TENM4: variants seen among roughly 807,000 people sequenced by gnomAD.
TENM4 encodes the protein teneurin transmembrane protein 4.
A neutral mutation model predicts 243.3 loss-of-function variants in TENM4; 82 were observed. The ratio of observed to expected loss-of-function variants is 0.34; its 90% CI spans 0.28 to 0.40. The LOEUF (loss-of-function observed/expected upper bound fraction) is 0.40. Ranked by LOEUF, TENM4 falls within the 10% of genes least tolerant of loss-of-function variation. The probability of loss-of-function intolerance (pLI) is 1.00; values close to 1 mark genes in which losing one functional copy is unlikely to be tolerated. For synonymous variants in TENM4, 1,412 were observed against 1,456.3 expected (o/e 0.97, Z 0.69); for missense variants, 3,138 against 3,673.3 (o/e 0.85, Z 3.77).
At chr11:79,349,703 G>A (rs1857383578) in intron 1 of TENM4, among the ~76,000 whole-genome samples, 1 of 152,206 alleles carries the variant, frequency 6.6e-6, no homozygotes, top group African/African-American at 2.4e-5. Context: ...ATAAGGCAGG[G>A]AAAGGGGAGA....
At chr11:78,897,942 G>C (rs1214003860) in intron 7 of TENM4, among the ~76,000 whole-genome samples, 1 of 152,146 alleles carries the variant, frequency 6.6e-6, no homozygotes, top group Non-Finnish European at 1.5e-5. Context: ...AGATGAGCTG[G>C]AGCCAAGGTC....
At chr11:79,323,861 A>G (rs1485495221) in intron 1 of TENM4, among the ~76,000 whole-genome samples, 2 of 150,258 alleles carry the variant, frequency 1.3e-5, no homozygotes, top group Non-Finnish European at 3.0e-5. Context: ...AAATCAATCA[A>G]TCTATTTTTC....
At position 78,814,274 on chromosome 11, in the gene TENM4, C is replaced by A. The variant is rs763223985; in HGVS notation, c.1783+20G>T. The A allele has an allele frequency of 3.6e-5, 56 of 1,547,934 alleles. No homozygotes were observed. In the East Asian group the frequency reaches 1.3e-3, roughly 37 times the overall value. ...GGGTCTGGGAAGCAGAAATCCAGAG[C>A]TCCAATGCAGAGTTCTCACCTCTGC... On this transcript the variant is annotated intron_variant, in intron 13 of 33. Transcript: ENST00000278550.
intron 1 of TENM4, among the ~76,000 whole-genome samples, chr11:79,333,791 C>G (rs1306778490): frequency 6.6e-6 from 1 of 152,074 alleles, no homozygotes; most frequent in Non-Finnish European, 1.5e-5. Flanking sequence ...TTGCATTTTC[C>G]AGCAATTAAA....
At chr11:78,748,082 C>T (rs1018258526) in intron 19 of TENM4, among the ~76,000 whole-genome samples, 6 of 152,112 alleles carry the variant, frequency 3.9e-5, no homozygotes, top group East Asian at 1.9e-4. Context: ...ACAACTACAC[C>T]GATGCTTCAG....
chr11:78,895,688 C>A (rs998590268), intron 7 of TENM4, among the ~76,000 whole-genome samples: 1 of 152,194 alleles, frequency 6.6e-6, no homozygotes, highest in African/African-American at 2.4e-5. Context: ...CTCACTGCTG[C>A]TGAGAGCTCA....
rs552658501 is a variant in TENM4, at chr11:79,410,959, A to G, written c.-321+29550T>C. Reference sequence around the variant, plus strand: ...CCTGTGCCCCTCTACACACACATACACACACACACACATACAAACACACAC... The same window carrying G: ...CCTGTGCCCCTCTACACACACATACGCACACACACACATACAAACACACAC... On this transcript the variant is annotated intron_variant, in intron 1 of 33. Coordinates refer to ENST00000278550, the MANE Select transcript of TENM4 (RefSeq NM_001098816.3). Among the ~76,000 whole-genome samples, 114 of 151,570 alleles carry G rather than the reference A, an allele frequency of 7.5e-4. 3 individuals are homozygous for G. In the South Asian group the frequency reaches 0.023, roughly 31 times the overall value.
intron 28 of TENM4, among the ~76,000 whole-genome samples, chr11:78,690,655 A>T (rs1168030369): frequency 6.6e-6 from 1 of 152,182 alleles, no homozygotes; most frequent in Admixed American, 6.5e-5. Flanking sequence ...GCAAAATATT[A>T]CTAGGGTACT....
chr11:79,165,651 C>T (rs1862893949), intron 3 of TENM4, among the ~76,000 whole-genome samples: 1 of 152,126 alleles, frequency 6.6e-6, no homozygotes, highest in Admixed American at 6.6e-5. Flanking sequence ...CATTAGGTCC[C>T]ATCTACTTAT....
At chr11:79,157,811 A>G (rs906921472) in intron 3 of TENM4, among the ~76,000 whole-genome samples, 5 of 152,128 alleles carry the variant, frequency 3.3e-5, no homozygotes, top group African/African-American at 7.2e-5. Context: ...TGGTCCCGCT[A>G]CTGTGAACTC....
chr11:79,140,258 C>T (rs1212491208), intron 4 of TENM4, among the ~76,000 whole-genome samples: 1 of 152,060 alleles, frequency 6.6e-6, no homozygotes. Context: ...TAATCCTTTG[C>T]TCAAGCCTCT....
chr11:79,436,681 C>T (rs1367661577), intron 1 of TENM4, among the ~76,000 whole-genome samples: 3 of 152,190 alleles, frequency 2.0e-5, no homozygotes, highest in Non-Finnish European at 4.4e-5. Flanking sequence ...ACTAGTTCTG[C>T]CCGTTGGCAT....
At chr11:79,069,695 G>T in intron 5 of TENM4, 27 bp downstream of exon 5, 1 of 1,536,454 alleles carries the variant, frequency 6.5e-7, no homozygotes. Flanking sequence ...CTGCGCCTGA[G>T]GCCCGCCCCC....
intron 3 of TENM4, among the ~76,000 whole-genome samples, chr11:79,158,053 G>A (rs1427798592): frequency 3.3e-5 from 5 of 152,128 alleles, no homozygotes; most frequent in Middle Eastern, 3.2e-3. Context: ...CTCAGAAGTC[G>A]ATCCCAGCTT....
chr11:79,308,087 G>C (rs1856656533), intron 1 of TENM4, among the ~76,000 whole-genome samples: 1 of 152,226 alleles, frequency 6.6e-6, no homozygotes. Context: ...GGCTCAGGCT[G>C]GGTGGAGAGG....
At chr11:78,942,020 A>G (rs899348046) in intron 6 of TENM4, among the ~76,000 whole-genome samples, 1 of 151,426 alleles carries the variant, frequency 6.6e-6, no homozygotes, top group African/African-American at 2.4e-5. Context: ...GGGGTGTCCA[A>G]TCTTTTGGCT....
chr11:79,394,591 C>T (rs951455400), intron 1 of TENM4, among the ~76,000 whole-genome samples: 10 of 151,796 alleles, frequency 6.6e-5, no homozygotes, highest in African/African-American at 2.2e-4. Context: ...TATGTGATAA[C>T]GAACTACTGA....
intron 5 of TENM4, among the ~76,000 whole-genome samples, chr11:79,066,331 C>T (rs1435584143): frequency 1.3e-5 from 2 of 152,130 alleles, no homozygotes; most frequent in South Asian, 2.1e-4. Context: ...AAGGCCTCCT[C>T]GGCCAGGACT....
intron 1 of TENM4, among the ~76,000 whole-genome samples, chr11:79,379,765 A>G (rs1857964216): frequency 1.3e-5 from 2 of 152,054 alleles, no homozygotes; most frequent in African/African-American, 4.8e-5. Context: ...GAGCCCATAC[A>G]CCACACTGCT....
Sources: gnomAD v4.1 joint callset for allele counts (sites outside exome capture counted in the v4.1 genomes callset) on GRCh38, gnomAD v4.1.1 for gene constraint, MANE v1.5 for transcripts, NCBI Gene and HGNC (gene_info 2026-07-23, HGNC 2026-07-21) for gene names.